ZC3H12B: variants seen among roughly 807,000 people sequenced by gnomAD.
ZC3H12B encodes zinc finger CCCH-type containing 12B.
Under a neutral mutation model 43.9 loss-of-function variants are expected in ZC3H12B, and 7 were observed. The observed-to-expected ratio is 0.16, with a 90% CI of 0.09 to 0.30. The LOEUF (loss-of-function observed/expected upper bound fraction) is 0.30, where lower values mean the gene tolerates loss of function less well. Among genes scored for constraint, ZC3H12B ranks in the 10% least tolerant of loss-of-function variants. The pLI is 1.00. For synonymous variants in ZC3H12B, 222 were observed against 241.7 expected (o/e 0.92, Z 0.76); for missense variants, 475 against 670.2 (o/e 0.71, Z 3.22).
At chrX:65,234,419 A>G in the ZC3H12B span, among the ~76,000 whole-genome samples, 1 of 111,966 alleles carries the variant, frequency 8.9e-6, no homozygotes, top group African/African-American at 3.2e-5. Flanking sequence ...AATGGGGAAA[A>G]ACTGAAAGCC....
chrX:65,110,520 C>T, the ZC3H12B span, among the ~76,000 whole-genome samples: 1 of 110,174 alleles, frequency 9.1e-6, no homozygotes, highest in Non-Finnish European at 1.9e-5. Flanking sequence ...CACAATTGCT[C>T]CAGCATTCCA....
chrX:65,286,937 A>G, the ZC3H12B span, among the ~76,000 whole-genome samples: 2 of 111,229 alleles, frequency 1.8e-5, no homozygotes, highest in Non-Finnish European at 3.8e-5. Flanking sequence ...GTAAACAAAA[A>G]AGACAAAATC....
the ZC3H12B span, among the ~76,000 whole-genome samples, chrX:65,108,639 T>TA: frequency 1.4e-4 from 14 of 101,828 alleles, no homozygotes; most frequent in Admixed American, 5.4e-4. Flanking sequence ...ACAGTTAACT[T>TA]AAAAAAAAAA....
chrX:65,163,523 A>G, the ZC3H12B span, among the ~76,000 whole-genome samples: 1 of 110,980 alleles, frequency 9.0e-6, no homozygotes, highest in Non-Finnish European at 1.9e-5. Context: ...TTGATCTCAT[A>G]CTGCTGTGCT....
At chrX:65,434,755 G>A (rs1250692307) in intron 3 of ZC3H12B, among the ~76,000 whole-genome samples, 1 of 111,007 alleles carries the variant, frequency 9.0e-6, no homozygotes, top group Non-Finnish European at 1.9e-5. Flanking sequence ...AGAAAAGAAG[G>A]GTAGTGGGTG....
chrX:65,086,046 CTT>C, the ZC3H12B span, among the ~76,000 whole-genome samples: 12 of 92,372 alleles, frequency 1.3e-4, no homozygotes, highest in Non-Finnish European at 1.5e-4. Context: ...CTAATAATGT[CTT>C]TTTTTTTTTT....
chrX:65,209,353 C>A, the ZC3H12B span, among the ~76,000 whole-genome samples: 1 of 74,480 alleles, frequency 1.3e-5, no homozygotes, highest in Non-Finnish European at 2.5e-5. Flanking sequence ...GCTTTGAATG[C>A]GTCCCACAGA....
chrX:65,376,227 G>A (rs1402298545), intron 2 of ZC3H12B, among the ~76,000 whole-genome samples: 6 of 112,254 alleles, frequency 5.3e-5, no homozygotes, highest in African/African-American at 1.9e-4. Context: ...GATAGGGAAA[G>A]CATCTCATTG....
At chrX:65,418,007 C>T (rs2227109) in intron 3 of ZC3H12B, among the ~76,000 whole-genome samples, 16,003 of 111,717 alleles carry the variant, frequency 0.14, 2,736 homozygotes, top group African/African-American at 0.49. Flanking sequence ...AAATTGTGTT[C>T]AGATGGCAGA....
the ZC3H12B span, among the ~76,000 whole-genome samples, chrX:65,119,542 A>G: frequency 9.0e-6 from 1 of 111,729 alleles, no homozygotes; most frequent in Non-Finnish European, 1.9e-5. Flanking sequence ...GATTCTGGAT[A>G]TTAGCCCTTT....
the ZC3H12B span, among the ~76,000 whole-genome samples, chrX:65,180,711 G>A: frequency 2.4e-4 from 27 of 111,058 alleles, no homozygotes; most frequent in Admixed American, 2.4e-3. Context: ...TAGAAGTTAC[G>A]TGTAGGACCT....
chrX:65,386,721 C>A (rs1303558051), intron 2 of ZC3H12B, among the ~76,000 whole-genome samples: 1 of 111,421 alleles, frequency 9.0e-6, no homozygotes, highest in African/African-American at 3.3e-5. Context: ...TTCTCTAGTT[C>A]TTTTAATTGT....
the ZC3H12B span, among the ~76,000 whole-genome samples, chrX:65,166,337 T>A: frequency 9.0e-6 from 1 of 111,478 alleles, no homozygotes; most frequent in East Asian, 2.8e-4. Context: ...GAATGATGGT[T>A]TCCAGCTTCA....
chrX:65,213,018 C>T, the ZC3H12B span, among the ~76,000 whole-genome samples: 2 of 108,184 alleles, frequency 1.8e-5, no homozygotes, highest in East Asian at 2.8e-4. Flanking sequence ...ATTTTTTTCA[C>T]TTCTTTATTT....
intron 2 of ZC3H12B, among the ~76,000 whole-genome samples, chrX:65,390,704 C>T (rs929831601): frequency 1.9e-5 from 2 of 105,689 alleles, no homozygotes; most frequent in African/African-American, 3.5e-5. Context: ...CAGACATAAT[C>T]GGCACTATGG....
At chrX:65,452,261 A>T (rs1207367972) in intron 3 of ZC3H12B, among the ~76,000 whole-genome samples, 4 of 111,612 alleles carry the variant, frequency 3.6e-5, no homozygotes, top group Non-Finnish European at 7.5e-5. Context: ...TGCTGATGAC[A>T]TGATTGTATA....
chrX:65,266,843 A>T, the ZC3H12B span, among the ~76,000 whole-genome samples: 1 of 111,108 alleles, frequency 9.0e-6, no homozygotes, highest in African/African-American at 3.3e-5. Context: ...TTTTGTTGAA[A>T]AGATTTAAAG....
chrX:65,065,026 T>G, the ZC3H12B span, among the ~76,000 whole-genome samples: 1 of 111,043 alleles, frequency 9.0e-6, no homozygotes, highest in African/African-American at 3.3e-5. Flanking sequence ...ATTTTCAGCC[T>G]ATGTGTGTCT....
At chrX:65,077,659 C>T in the ZC3H12B span, among the ~76,000 whole-genome samples, 2 of 112,168 alleles carry the variant, frequency 1.8e-5, no homozygotes, top group African/African-American at 6.5e-5. Context: ...GGAGTTGGGG[C>T]TCTCCACTAG....
Sources: gnomAD v4.1 joint callset for allele counts (sites outside exome capture counted in the v4.1 genomes callset) on GRCh38, gnomAD v4.1.1 for gene constraint, MANE v1.5 for transcripts, NCBI Gene and HGNC (gene_info 2026-07-23, HGNC 2026-07-21) for gene names.